Variants in MOB3A observed in about 807,000 individuals in gnomAD.
MOB3A encodes the protein MOB LAK.
MOB3A carries 17 observed loss-of-function variants against 17.8 expected under a neutral mutation model. The observed-to-expected ratio is 0.95, with a 90% CI of 0.65 to 1.43. The LOEUF is 1.43. MOB3A is among the 40% of genes most tolerant of loss of function. The pLI, the probability that MOB3A is intolerant of heterozygous loss-of-function variation, is 0.00. For synonymous variants in MOB3A, 124 were observed against 133.2 expected (o/e 0.93, Z 0.48); for missense variants, 333 against 310.8 (o/e 1.07, Z -0.54).
rs562992396 is a variant in MOB3A, at chr19:2,093,638, G to C, written c.-274+2588C>G. On this transcript the variant is annotated intron_variant, in intron 1 of 4. Coordinates refer to ENST00000357066, the MANE Select transcript of MOB3A (RefSeq NM_130807.3). The surrounding 1 kb of genome is among the most constrained non-coding windows in gnomAD (Gnocchi z 4.6). ...CTGGGATTACAGGTATGAGCCACCC[G>C]CACCTGGCCAGCACATCCCAATTCG... Among the ~76,000 whole-genome samples the C allele has an allele frequency of 1.3e-5, 2 of 152,170 alleles. No individual in the cohort carries two copies. Among genetic ancestry groups the C allele is most frequent in the East Asian group, 1.9e-4 (1 of 5,186 alleles).
At chr19:2,084,841 G>A (rs533492150) in intron 2 of MOB3A, among the ~76,000 whole-genome samples, 1 of 151,992 alleles carries the variant, frequency 6.6e-6, no homozygotes, top group African/African-American at 2.4e-5. Flanking sequence ...TGCCCGCTTT[G>A]CCCTCCCAAA....
chr19:2,085,372 AC>A (rs2017540603), intron 1 of MOB3A, 44 bp from the exon 2 acceptor site: 1 of 141,964 alleles, frequency 7.0e-6, no homozygotes, highest in Non-Finnish European at 1.5e-5. Flanking sequence ...CTGCTGCAAC[AC>A]TTTTTTTTTT....
chr19:2,086,749 C>G (rs2017558419), intron 1 of MOB3A, among the ~76,000 whole-genome samples: 1 of 152,106 alleles, frequency 6.6e-6, no homozygotes, highest in Non-Finnish European at 1.5e-5. Context: ...CCCTGATCAC[C>G]CAGGCGTGCA....
intron 2 of MOB3A, among the ~76,000 whole-genome samples, chr19:2,078,899 T>C (rs1076328): frequency 0.4 from 61,294 of 152,070 alleles, 13,860 homozygotes; most frequent in African/African-American, 0.61. Context: ...GCTGGGACTA[T>C]AGGCACACAC....
rs2017355360 is a variant in MOB3A, at chr19:2,072,819, T to C, written c.*576A>G. 1 of 152,074 alleles carries C rather than the reference T, an allele frequency of 6.6e-6. No homozygotes were observed. The highest frequency in any genetic ancestry group is 1.5e-5 in the Non-Finnish European group (1 of 68,208). The allele number at this position is 152,074 out of a possible 1,614,324, so 9.4% of individuals were successfully genotyped here. On this transcript the variant is annotated 3_prime_UTR_variant, in exon 5 of 5. Coordinates refer to ENST00000357066, the MANE Select transcript of MOB3A (RefSeq NM_130807.3). Reference sequence around the variant, plus strand: ...AAAGAGGCTGCCTGGGTCCAGGTTGTGCCTCTGTGTGAAGAGACACCAGCG... The same window carrying C: ...AAAGAGGCTGCCTGGGTCCAGGTTGCGCCTCTGTGTGAAGAGACACCAGCG...
chr19:2,084,021 G>A (rs113552274), intron 2 of MOB3A: 4 of 388,574 alleles, frequency 1.0e-5, no homozygotes, highest in South Asian at 3.5e-5. Flanking sequence ...ATCCTCCTAC[G>A]TCAGCTTCCC....
At chr19:2,091,576 G>T (rs1056360593) in intron 1 of MOB3A, among the ~76,000 whole-genome samples, 2 of 151,694 alleles carry the variant, frequency 1.3e-5, no homozygotes, top group African/African-American at 4.8e-5. Context: ...TAGAGACGGG[G>T]TTCCACCATG....
intron 2 of MOB3A, among the ~76,000 whole-genome samples, chr19:2,080,521 G>A (rs1410923314): frequency 6.6e-6 from 1 of 152,058 alleles, no homozygotes; most frequent in Non-Finnish European, 1.5e-5. Context: ...GGCACTACAG[G>A]CACGTGCAAC....
rs1443346810 is a variant in MOB3A, at chr19:2,072,009, C to G, written c.*1386G>C. The G allele has an allele frequency of 6.6e-6, 1 of 152,080 alleles. No homozygotes were observed. The highest frequency in any genetic ancestry group is 1.5e-5 in the Non-Finnish European group (1 of 68,074). 9.4% of individuals were successfully genotyped at this position (152,080 alleles called of 1,614,324 possible). A position where few individuals can be genotyped will look rare whatever the true frequency, so the allele number is the denominator to read the frequency against. ...CCTGGCTAACACGGTGAAACCCTGT[C>G]TCTACTAAAATACAAAAAAATTAGC... On this transcript the variant is annotated 3_prime_UTR_variant, in exon 5 of 5. Coordinates refer to ENST00000357066, the MANE Select transcript of MOB3A (RefSeq NM_130807.3).
chr19:2,087,949 G>A (rs1200322863), intron 1 of MOB3A, among the ~76,000 whole-genome samples: 1 of 152,236 alleles, frequency 6.6e-6, no homozygotes, highest in Non-Finnish European at 1.5e-5. Flanking sequence ...GAACGTGGGG[G>A]CAGGAGCCAT....
intron 2 of MOB3A, among the ~76,000 whole-genome samples, chr19:2,079,109 G>A (rs145405090): frequency 2.6e-5 from 4 of 152,310 alleles, no homozygotes; most frequent in African/African-American, 9.6e-5. Flanking sequence ...ACCCAAAGGG[G>A]GCCACCTCCT....
chr19:2,074,950 C>G (rs1464168785), intron 4 of MOB3A, among the ~76,000 whole-genome samples: 1 of 151,908 alleles, frequency 6.6e-6, no homozygotes, highest in East Asian at 1.9e-4. Context: ...AACTCCTGAC[C>G]TCATGAGCTG....
chr19:2,083,308 TG>T (rs1413631726), intron 2 of MOB3A, among the ~76,000 whole-genome samples: 1 of 152,090 alleles, frequency 6.6e-6, no homozygotes, highest in African/African-American at 2.4e-5. Flanking sequence ...TGGGAGCTGT[TG>T]GGGGGGACCT....
intron 1 of MOB3A, among the ~76,000 whole-genome samples, chr19:2,095,635 C>G (rs1568259828): frequency 6.6e-6 from 1 of 152,232 alleles, no homozygotes; most frequent in African/African-American, 2.4e-5. Context: ...TCGGTCTCCC[C>G]GCCGCCCGCG....
chr19:2,088,201 G>C (rs1363160038), intron 1 of MOB3A, among the ~76,000 whole-genome samples: 1 of 152,202 alleles, frequency 6.6e-6, no homozygotes, highest in Admixed American at 6.5e-5. Flanking sequence ...CAGTGCCCAG[G>C]ATACCCCACC....
intron 1 of MOB3A, among the ~76,000 whole-genome samples, chr19:2,086,062 C>T (rs144182939): frequency 5.2e-4 from 77 of 149,398 alleles, no homozygotes; most frequent in Non-Finnish European, 8.4e-4. Context: ...TTTTTTGAGA[C>T]GGAGTTTTGC....
At chr19:2,088,896 C>A (rs1453793673) in intron 1 of MOB3A, among the ~76,000 whole-genome samples, 1 of 152,212 alleles carries the variant, frequency 6.6e-6, no homozygotes, top group Non-Finnish European at 1.5e-5. Flanking sequence ...AGCCACGGAG[C>A]CTGGCTCTGT....
chr19:2,071,864 G>C lies in MOB3A; in HGVS notation c.*1531C>G, dbSNP rs777107280. 1 of 152,368 alleles carries C rather than the reference G, an allele frequency of 6.6e-6. No homozygotes were observed. The highest frequency in any genetic ancestry group is 2.4e-5 in the African/African-American group (1 of 41,450). The allele number at this position is 152,368 out of a possible 1,614,324, so 9.4% of individuals were successfully genotyped here. A position where few individuals can be genotyped will look rare whatever the true frequency, so the allele number is the denominator to read the frequency against. On this transcript the variant is annotated 3_prime_UTR_variant, in exon 5 of 5. Coordinates refer to ENST00000357066, the MANE Select transcript of MOB3A (RefSeq NM_130807.3). ...AAGTGGACATCGTTCCGAAGAGGCA[G>C]AGAGCTCACTATGTTATCGATAAAA...
intron 4 of MOB3A, 145 bp from the exon 5 acceptor site, chr19:2,073,569 A>G (rs574961843): frequency 2.9e-6 from 3 of 1,024,168 alleles, no homozygotes; most frequent in East Asian, 2.4e-5. Context: ...CACACAGGCA[A>G]TGGCACACCT....
Sources: gnomAD v4.1 joint callset for allele counts (sites outside exome capture counted in the v4.1 genomes callset) on GRCh38, gnomAD v4.1.1 for gene constraint, Gnocchi (gnomAD v3.1) non-coding constraint, MANE v1.5 for transcripts, NCBI Gene and HGNC (gene_info 2026-07-23, HGNC 2026-07-21) for gene names.